PIK3CB: variants seen among roughly 807,000 people sequenced by gnomAD.
PIK3CB encodes phosphatidylinositol 4,5-bisphosphate 3-kinase catalytic subunit beta isoform.
In PIK3CB, 39 loss-of-function variants were observed where a neutral mutation model predicts 136.8. The observed-to-expected ratio is 0.29, with a 90% confidence interval of 0.22 to 0.37. The LOEUF (loss-of-function observed/expected upper bound fraction) is 0.37, where lower values mean the gene tolerates loss of function less well. PIK3CB is among the 10% of genes least tolerant of loss of function. The probability of loss-of-function intolerance (pLI) is 1.00; values close to 1 mark genes in which losing one functional copy is unlikely to be tolerated. For missense variants in PIK3CB, 868 were observed against 1,275.4 expected, an observed-to-expected ratio of 0.68 and a Z score of 4.87; for synonymous variants, 428 against 436.6, an observed-to-expected ratio of 0.98 and a Z score of 0.25.
intron 1 of PIK3CB, among the ~76,000 whole-genome samples, chr3:138,801,052 A>T (rs1018911328): frequency 3.9e-5 from 6 of 152,172 alleles, no homozygotes; most frequent in Non-Finnish European, 8.8e-5. Context: ...TTCTTACTCA[A>T]TTCATTATGT....
chr3:138,783,558 G>C (rs1380905187), intron 2 of PIK3CB, among the ~76,000 whole-genome samples: 1 of 152,144 alleles, frequency 6.6e-6, no homozygotes, highest in Non-Finnish European at 1.5e-5. Context: ...GCTGGGAATA[G>C]AGGCATGAGC....
intron 8 of PIK3CB, among the ~76,000 whole-genome samples, chr3:138,730,759 T>C (rs1289060235): frequency 6.6e-6 from 1 of 151,888 alleles, no homozygotes; most frequent in East Asian, 1.9e-4. Context: ...CCTATCTCTA[T>C]AAAAATAGAA....
At chr3:138,684,844 AAAGT>A (rs1323756130) in intron 16 of PIK3CB, 41 bp from the exon 17 acceptor site, 1 of 1,414,352 alleles carries the variant, frequency 7.1e-7, no homozygotes, top group Non-Finnish European at 9.9e-7. Flanking sequence ...CATTTGACTA[AAAGT>A]AATATAATAT....
intron 1 of PIK3CB, among the ~76,000 whole-genome samples, chr3:138,813,753 G>A (rs1933181607): frequency 6.6e-6 from 1 of 152,172 alleles, no homozygotes; most frequent in East Asian, 1.9e-4. Context: ...ATTATGTCAA[G>A]TGTTTTAGTG....
chr3:138,673,226 C>T (rs1012236814), intron 19 of PIK3CB, among the ~76,000 whole-genome samples: 1 of 151,782 alleles, frequency 6.6e-6, no homozygotes, highest in African/African-American at 2.4e-5. Flanking sequence ...CAGAAAAAGA[C>T]AATGAGAGTG....
intron 11 of PIK3CB, 148 bp from the exon 12 acceptor site, chr3:138,704,641 C>T (rs1359571483): frequency 1.6e-6 from 1 of 644,504 alleles, no homozygotes; most frequent in East Asian, 2.7e-5. Flanking sequence ...CAAAATGATG[C>T]TTCTCAAGTG....
At chr3:138,703,230 G>C (rs942715235) in intron 12 of PIK3CB, among the ~76,000 whole-genome samples, 14 of 152,178 alleles carry the variant, frequency 9.2e-5, no homozygotes, top group African/African-American at 3.4e-4. Flanking sequence ...TAAGAAAGCA[G>C]TAGCAGATGA....
intron 12 of PIK3CB, among the ~76,000 whole-genome samples, chr3:138,703,392 C>T (rs1029005731): frequency 1.3e-5 from 2 of 152,102 alleles, no homozygotes; most frequent in African/African-American, 4.8e-5. Context: ...CAGTTTGCCT[C>T]CTAGTCTCTA....
chr3:138,766,172 A>G (rs2108751971), intron 2 of PIK3CB, among the ~76,000 whole-genome samples: 1 of 152,242 alleles, frequency 6.6e-6, no homozygotes, highest in East Asian at 1.9e-4. Context: ...TGTTTCTGAA[A>G]ATGATGTATT....
intron 10 of PIK3CB, among the ~76,000 whole-genome samples, chr3:138,709,117 G>A (rs929481038): frequency 6.6e-6 from 1 of 151,940 alleles, no homozygotes; most frequent in Admixed American, 6.6e-5. Flanking sequence ...TACACATGGA[G>A]AGCAAAAATT....
chr3:138,708,057 T>C (rs1225132640), intron 10 of PIK3CB, among the ~76,000 whole-genome samples: 1 of 152,126 alleles, frequency 6.6e-6, no homozygotes, highest in African/African-American at 2.4e-5. Context: ...TTTCTTTTCT[T>C]ATACTGACTG....
At chr3:138,795,045 C>G (rs2046093402) in intron 2 of PIK3CB, among the ~76,000 whole-genome samples, 1 of 151,916 alleles carries the variant, frequency 6.6e-6, no homozygotes, top group Admixed American at 6.6e-5. Flanking sequence ...CTCAGCCGGG[C>G]GCGGTGGCTC....
intron 4 of PIK3CB, among the ~76,000 whole-genome samples, chr3:138,745,141 GTTC>G (rs1007912554): frequency 5.9e-5 from 9 of 152,168 alleles, no homozygotes; most frequent in African/African-American, 2.2e-4. Context: ...CTTTCATGAT[GTTC>G]TATCCAGGTT....
intron 18 of PIK3CB, among the ~76,000 whole-genome samples, chr3:138,682,928 G>T (rs1402108237): frequency 6.6e-6 from 1 of 152,120 alleles, no homozygotes; most frequent in Non-Finnish European, 1.5e-5. Context: ...CTGCCTATTG[G>T]CTGGTATGAT....
chr3:138,777,467 C>T (rs982577268), intron 2 of PIK3CB, among the ~76,000 whole-genome samples: 4 of 152,182 alleles, frequency 2.6e-5, no homozygotes, highest in African/African-American at 4.8e-5. Flanking sequence ...CAGCTGACTG[C>T]TAGTACCAAT....
intron 19 of PIK3CB, among the ~76,000 whole-genome samples, chr3:138,675,840 T>C (rs1334429183): frequency 2.0e-5 from 3 of 152,172 alleles, no homozygotes. Flanking sequence ...GACAGACATA[T>C]AGAATTGAAC....
intron 1 of PIK3CB, among the ~76,000 whole-genome samples, chr3:138,817,452 G>A (rs1339483099): frequency 2.0e-5 from 3 of 152,166 alleles, no homozygotes; most frequent in East Asian, 1.9e-4. Flanking sequence ...GGAGACAGAG[G>A]TTGTGGTGAG....
intron 13 of PIK3CB, among the ~76,000 whole-genome samples, chr3:138,697,303 A>G (rs1208612151): frequency 2.0e-5 from 3 of 152,212 alleles, no homozygotes; most frequent in Admixed American, 1.3e-4. Flanking sequence ...CTAGAAGACA[A>G]TAACTATTCT....
intron 16 of PIK3CB, among the ~76,000 whole-genome samples, chr3:138,685,396 C>CAAAAAAAAAAAAAAAAA (rs398052626): frequency 2.2e-4 from 13 of 58,346 alleles, no homozygotes; most frequent in African/African-American, 9.9e-4. Context: ...GAAACTGTCT[C>CAAAAAAAAAAAAAAAAA]AAAAAAAAAA....
Sources: gnomAD v4.1 joint callset for allele counts (sites outside exome capture counted in the v4.1 genomes callset) on GRCh38, gnomAD v4.1.1 for gene constraint, MANE v1.5 for transcripts, NCBI Gene and HGNC (gene_info 2026-07-23, HGNC 2026-07-21) for gene names.